The following GPR160 variants were observed in gnomAD, a reference collection of about 807,000 sequenced individuals.
GPR160 encodes the protein G protein-coupled receptor 160.
A neutral mutation model predicts 2.6 loss-of-function variants in GPR160; 2 were observed. The observed-to-expected ratio is 0.77, with a 90% CI of 0.32 to 2.44. GPR160 has a LOEUF of 2.44. GPR160 is among the 30% of genes most tolerant of loss of function. GPR160 has a pLI of 0.11. For missense variants in GPR160, 351 were observed against 383.6 expected, an observed-to-expected ratio of 0.91 and a Z score of 0.71; for synonymous variants, 130 against 132.2, an observed-to-expected ratio of 0.98 and a Z score of 0.12.
At chr3:170,046,475 G>A (rs1382177626) in intron 2 of GPR160, among the ~76,000 whole-genome samples, 5 of 152,146 alleles carry the variant, frequency 3.3e-5, no homozygotes, top group African/African-American at 9.7e-5. Context: ...GGGGTTTAAG[G>A]CCAGGTCTTC....
chr3:170,050,399 A>G (rs1576891910), intron 2 of GPR160, among the ~76,000 whole-genome samples: 1 of 148,114 alleles, frequency 6.8e-6, no homozygotes, highest in Non-Finnish European at 1.5e-5. Context: ...ACCTGCCACC[A>G]TGCTTAGCTA....
In GPR160 at chr3:170,084,127, A is replaced by G; in HGVS notation, c.155A>G (p.Gln52Arg). 6.3e-7 allele frequency: 1 copy of G among 1,594,798 alleles called. No individual in the cohort carries two copies. Among genetic ancestry groups the G allele is most frequent in the Non-Finnish European group, 8.5e-7 (1 of 1,171,526 alleles). The change falls in exon 4 of 4, where the codon CAA (glutamine) becomes CGA (arginine). Residue 52 changes from glutamine (Q) to arginine (R), a missense_variant. By Grantham distance (43) the Gln-to-Arg change is conservative (BLOSUM62 1). Coordinates refer to ENST00000355897, the MANE Select transcript of GPR160 (RefSeq NM_014373.3). ...TLGMRRKNTCQNFMEYFCISL... is the reference protein window; with the variant it reads ...TLGMRRKNTCRNFMEYFCISL... ...GGAATGAGAAGAAAAAACACCTGTC[A>G]AAATTTTATGGAATATTTTTGCATT...
At position 170,084,668 on chromosome 3, in the gene GPR160, T is replaced by C. The variant is rs533322464; in HGVS notation, c.696T>C (p.Tyr232=). 1 of 1,610,600 alleles carries C rather than the reference T, an allele frequency of 6.2e-7. No individual in the cohort carries two copies. Among genetic ancestry groups the C allele is most frequent in the African/African-American group, 1.3e-5 (1 of 75,006 alleles). Residue 232 remains tyrosine (Y), a synonymous_variant, in exon 4 of 4, where the codon TAT becomes TAC. Transcript: ENST00000355897. ...LYFPFSSHSS[Y]TVRSKKIFLS... ...TTCCTTTTTCATCCCACTCCAGTTATACTGTGAGATCTAAAAAAATATTCT... is the reference window on the plus strand; with the variant it reads ...TTCCTTTTTCATCCCACTCCAGTTACACTGTGAGATCTAAAAAAATATTCT...
rs1027001244 is a variant in GPR160, at chr3:170,042,793, C to T, written c.-193+3750C>T. Among the ~76,000 whole-genome samples, 126 of 143,196 alleles carry T rather than the reference C, an allele frequency of 8.8e-4. 1 individual carries two copies. The Admixed American group carries it at 9.0e-3, about 10-fold the overall frequency. 93.9% of individuals were successfully genotyped at this position (143,196 alleles called of 152,430 possible). On this transcript the variant is annotated intron_variant, in intron 2 of 3. Coordinates refer to ENST00000355897, the MANE Select transcript of GPR160 (RefSeq NM_014373.3). ...AGTAAGCTATGTTTGCACCATTGCA[C>T]ACCAGCCTGGACGATAGGGCAAGAC...
chr3:170,065,352 C>T (rs976653171), intron 2 of GPR160, among the ~76,000 whole-genome samples: 4 of 152,148 alleles, frequency 2.6e-5, no homozygotes, highest in Non-Finnish European at 5.9e-5. Flanking sequence ...GGAATTTCCA[C>T]CTTCCTGGAG....
rs1713355203 is a variant in GPR160, at chr3:170,085,002, A to AAAG, written c.*14_*16dup. ...AATGATTTGTTAATATTATTAATTAAAAGTTACAGCTGTCATAAGATCATA... is the reference window on the plus strand; with the variant it reads ...AATGATTTGTTAATATTATTAATTAAAAGAAGTTACAGCTGTCATAAGATCATA... On this transcript the variant is annotated 3_prime_UTR_variant, in exon 4 of 4. Transcript: ENST00000355897. 1.6e-6 allele frequency: 2 copies of AAAG among 1,279,630 alleles called. No homozygotes were observed. The highest frequency in any genetic ancestry group is 1.5e-5 in the African/African-American group (1 of 66,284). 79.3% of individuals were successfully genotyped at this position (1,279,630 alleles called of 1,614,324 possible). A position where few individuals can be genotyped will look rare whatever the true frequency, so the allele number is the denominator to read the frequency against.
At chr3:170,076,533 A>AT (rs933067447) in intron 2 of GPR160, among the ~76,000 whole-genome samples, 1 of 151,648 alleles carries the variant, frequency 6.6e-6, no homozygotes, top group Non-Finnish European at 1.5e-5. Flanking sequence ...TCGCTTTTTT[A>AT]TTTTTTTAAT....
intron 2 of GPR160, among the ~76,000 whole-genome samples, chr3:170,039,378 A>C (rs951842916): frequency 6.6e-6 from 1 of 152,122 alleles, no homozygotes. Flanking sequence ...CAAGGTGTGG[A>C]CGTTGGTTGG....
intron 2 of GPR160, among the ~76,000 whole-genome samples, chr3:170,039,342 G>T (rs1716345139): frequency 6.6e-6 from 1 of 152,152 alleles, no homozygotes; most frequent in Non-Finnish European, 1.5e-5. Flanking sequence ...GTTTCAAAAC[G>T]ATTTAAGAGA....
intron 2 of GPR160, among the ~76,000 whole-genome samples, chr3:170,070,047 C>G (rs1712518539): frequency 6.6e-6 from 1 of 152,104 alleles, no homozygotes; most frequent in Admixed American, 6.6e-5. Flanking sequence ...CAAATATAGT[C>G]ACATTTGGAG....
intron 2 of GPR160, among the ~76,000 whole-genome samples, chr3:170,043,839 T>C (rs1716569931): frequency 6.6e-6 from 1 of 151,662 alleles, no homozygotes; most frequent in Non-Finnish European, 1.5e-5. Context: ...TTGGGAAATG[T>C]CAAATATTCT....
At chr3:170,061,937 C>T (rs924468153) in intron 2 of GPR160, among the ~76,000 whole-genome samples, 3 of 152,034 alleles carry the variant, frequency 2.0e-5, no homozygotes, top group African/African-American at 7.2e-5. Flanking sequence ...TCGCTTGAGG[C>T]CGGCAGTTTG....
chr3:170,077,513 T>C (rs1712914296), intron 2 of GPR160: 2 of 152,174 alleles, frequency 1.3e-5, no homozygotes, highest in African/African-American at 4.8e-5. Context: ...ACGCAGCTGT[T>C]CTCTGACCTT....
chr3:170,079,541 A>C (rs1251735484), intron 2 of GPR160, among the ~76,000 whole-genome samples: 1 of 152,230 alleles, frequency 6.6e-6, no homozygotes, highest in Non-Finnish European at 1.5e-5. Context: ...GATTCCTTTA[A>C]GTAAATGTGG....
chr3:170,050,502 G>C (rs1013137527), intron 2 of GPR160, among the ~76,000 whole-genome samples: 2 of 151,932 alleles, frequency 1.3e-5, no homozygotes, highest in Non-Finnish European at 2.9e-5. Flanking sequence ...CACCTGCCAG[G>C]TTCAAGTAAT....
chr3:170,084,062 GATC>G lies in GPR160; in HGVS notation c.93_95del (p.Ile32del). 2 of 1,589,012 alleles carry G rather than the reference GATC, an allele frequency of 1.3e-6. No individual in the cohort carries two copies. The highest frequency in any genetic ancestry group is 1.7e-6 in the Non-Finnish European group (2 of 1,165,682). On this transcript the variant is annotated inframe_deletion, in exon 4 of 4. Transcript: ENST00000355897. ...TAGATGTTAACTATCTGCTATTCTT[GATC>G]ATACTTGGGAAAATATTATTAAATA...
intron 2 of GPR160, among the ~76,000 whole-genome samples, chr3:170,064,535 T>TTTTTTTTTTTC (rs1219393634): frequency 4.1e-4 from 52 of 128,026 alleles, no homozygotes; most frequent in Non-Finnish European, 6.9e-4. Context: ...TTTTTTTTTT[T>TTTTTTTTTTTC]TGAGGCAGAG....
At chr3:170,072,998 G>A (rs115885932) in intron 2 of GPR160, among the ~76,000 whole-genome samples, 1,770 of 152,142 alleles carry the variant, frequency 0.012, 32 homozygotes, top group African/African-American at 0.04. Context: ...CCTGGACAAC[G>A]AAACGAGACC....
chr3:170,058,532 A>C (rs948935743), intron 2 of GPR160, among the ~76,000 whole-genome samples: 2 of 152,234 alleles, frequency 1.3e-5, no homozygotes, highest in East Asian at 1.9e-4. Flanking sequence ...TCTCATCAGC[A>C]ATAGAATTGA....
Sources: allele counts gnomAD v4.1 joint callset (sites outside exome capture counted in the v4.1 genomes callset), GRCh38; gene constraint gnomAD v4.1.1; transcripts MANE v1.5; gene names NCBI Gene and HGNC (gene_info 2026-07-23, HGNC 2026-07-21).